The following SEMA3D variants were observed in gnomAD, a reference collection of about 807,000 sequenced individuals.
SEMA3D encodes semaphorin 3D.
SEMA3D carries 84 observed loss-of-function variants against 100.1 expected under a neutral mutation model. The ratio of observed to expected loss-of-function variants is 0.84; its 90% CI spans 0.70 to 1.01. The LOEUF (loss-of-function observed/expected upper bound fraction) is 1.01. Among genes scored for constraint, SEMA3D ranks in the 50% least tolerant of loss-of-function variants. The probability of loss-of-function intolerance (pLI) is 0.00; values close to 1 mark genes in which losing one functional copy is unlikely to be tolerated. For missense variants in SEMA3D, 875 were observed against 934.1 expected (o/e 0.94, Z 0.82); for synonymous variants, 312 against 320.7 (o/e 0.97, Z 0.29).
intron 1 of SEMA3D, among the ~76,000 whole-genome samples, chr7:85,175,100 G>A (rs375194092): frequency 3.3e-5 from 5 of 152,250 alleles, no homozygotes; most frequent in African/African-American, 1.2e-4. Context: ...TGGAGATGAT[G>A]GTTTTGTACT....
intron 1 of SEMA3D, among the ~76,000 whole-genome samples, chr7:85,171,026 G>A (rs755698813): frequency 2.0e-5 from 3 of 151,806 alleles, no homozygotes; most frequent in Non-Finnish European, 4.4e-5. Flanking sequence ...ATACTAAGGC[G>A]GATACAGTTA....
At chr7:85,209,605 C>A in the SEMA3D span, among the ~76,000 whole-genome samples, 1 of 151,992 alleles carries the variant, frequency 6.6e-6, no homozygotes, top group Non-Finnish European at 1.5e-5. Flanking sequence ...CCTTTCTTAT[C>A]CTCTGATTCC....
upstream of SEMA3D, among the ~76,000 whole-genome samples, chr7:85,187,563 G>C (rs1024715615): frequency 1.1e-4 from 16 of 152,174 alleles, no homozygotes; most frequent in African/African-American, 3.6e-4. Context: ...AAAACGAGTA[G>C]AATGTAATCC....
At position 85,166,768 on chromosome 7, in the gene SEMA3D, A is replaced by G. The variant is rs145215727; in HGVS notation, c.-172-13029T>C. 1.2e-3 allele frequency among the ~76,000 whole-genome samples: 181 copies of G among 152,082 alleles called. 2 individuals carry two copies. Among genetic ancestry groups the G allele is most frequent in the African/African-American group, 4.2e-3 (175 of 41,542 alleles). On this transcript the variant is annotated intron_variant, in intron 1 of 18. Coordinates refer to ENST00000284136, the MANE Select transcript of SEMA3D (RefSeq NM_001384900.1). ...TCAAATTACTAGCCGTATGGTGCTGATAAAAATAAAGAAAAGAGGTTCAGT... is the reference window on the plus strand; with the variant it reads ...TCAAATTACTAGCCGTATGGTGCTGGTAAAAATAAAGAAAAGAGGTTCAGT...
At chr7:85,197,809 G>A in the SEMA3D span, among the ~76,000 whole-genome samples, 1 of 152,094 alleles carries the variant, frequency 6.6e-6, no homozygotes, top group Non-Finnish European at 1.5e-5. Context: ...CAAAGAAATG[G>A]ACAATAATGT....
the SEMA3D span, among the ~76,000 whole-genome samples, chr7:85,214,847 CCAATATCAAG>C: frequency 6.6e-6 from 1 of 152,096 alleles, no homozygotes; most frequent in East Asian, 1.9e-4. Context: ...ACATATAAAC[CCAATATCAAG>C]CATTCTAAGG....
chr7:85,073,189 C>A, intron 5 of SEMA3D, 108 bp from the exon 6 acceptor site: 6 of 989,130 alleles, frequency 6.1e-6, no homozygotes, highest in Admixed American at 4.7e-5. Context: ...AATAAGAGCA[C>A]AAATGAAAAA....
chr7:85,177,593 G>C (rs1791274810), intron 1 of SEMA3D, among the ~76,000 whole-genome samples: 1 of 152,108 alleles, frequency 6.6e-6, no homozygotes, highest in South Asian at 2.1e-4. Context: ...TATTTTTTAA[G>C]TGCTTAAGAT....
intron 2 of SEMA3D, among the ~76,000 whole-genome samples, 165 bp downstream of exon 2, chr7:85,153,443 A>G (rs1790489430): frequency 6.6e-6 from 1 of 152,134 alleles, no homozygotes; most frequent in African/African-American, 2.4e-5. Context: ...GCCTTAACAA[A>G]CTGTCATGTA....
At position 84,998,194 on chromosome 7, in the gene SEMA3D, T is replaced by A. The variant is rs976477352; in HGVS notation, c.*1246A>T. 11 of 152,132 alleles carry A rather than the reference T, an allele frequency of 7.2e-5. No homozygotes were observed. Among genetic ancestry groups the A allele is most frequent in the African/African-American group, 2.7e-4 (11 of 41,456 alleles). The allele number at this position is 152,132 out of a possible 1,614,324, so 9.4% of individuals were successfully genotyped here. On this transcript the variant is annotated 3_prime_UTR_variant, in exon 19 of 19. Coordinates refer to ENST00000284136, the MANE Select transcript of SEMA3D (RefSeq NM_001384900.1). ...TATCCCCACTCCCCAGAAATGTCAT[T>A]TTCTTAATTCTCTGTGTGTTATATA...
At chr7:85,113,819 A>G (rs979541140) in intron 3 of SEMA3D, among the ~76,000 whole-genome samples, 14 of 152,012 alleles carry the variant, frequency 9.2e-5, no homozygotes, top group Non-Finnish European at 1.5e-4. Context: ...AAATCCGTTA[A>G]TATTATCTTG....
Position 85,029,066 on chromosome 7 carries a change from T to G in SEMA3D, c.1192-6453A>C, listed in dbSNP as rs1039638088. The G allele has an allele frequency of 1.9e-5, 10 of 531,668 alleles. No homozygotes were observed. The Admixed American group carries it at 2.5e-4, about 13-fold the overall frequency. The allele number at this position is 531,668 out of a possible 1,614,324, so 32.9% of individuals were successfully genotyped here. ...GCTGATGGAGTCATGGCTGTCCTCA[T>G]CAAGTGTGATGCTACCATTCCTACC... is the stretch of plus-strand genomic sequence containing the variant. On this transcript the variant is annotated intron_variant, in intron 12 of 18. Coordinates refer to ENST00000284136, the MANE Select transcript of SEMA3D (RefSeq NM_001384900.1).
chr7:85,119,932 C>T (rs905404223), intron 3 of SEMA3D, among the ~76,000 whole-genome samples: 12 of 151,830 alleles, frequency 7.9e-5, no homozygotes, highest in African/African-American at 2.9e-4. Context: ...TTGCCCCAAA[C>T]CCTTTCCGAG....
chr7:85,099,091 G>A (rs1429006566), intron 3 of SEMA3D, among the ~76,000 whole-genome samples: 1 of 151,912 alleles, frequency 6.6e-6, no homozygotes, highest in Non-Finnish European at 1.5e-5. Flanking sequence ...CATCTTCGTT[G>A]TTTCCAAGTT....
chr7:85,193,738 A>G, the SEMA3D span, among the ~76,000 whole-genome samples: 147 of 152,290 alleles, frequency 9.7e-4, no homozygotes, highest in Non-Finnish European at 1.6e-3. Context: ...GGACCTAACC[A>G]TAGCACTGAA....
chr7:85,210,327 T>C, the SEMA3D span, among the ~76,000 whole-genome samples: 1 of 152,118 alleles, frequency 6.6e-6, no homozygotes, highest in African/African-American at 2.4e-5. Context: ...TGAAAGGTTA[T>C]TGTTAAATTT....
chr7:85,089,797 G>A (rs533918149), intron 4 of SEMA3D, among the ~76,000 whole-genome samples: 6 of 152,180 alleles, frequency 3.9e-5, no homozygotes, highest in African/African-American at 1.4e-4. Context: ...AGGCTGAGGT[G>A]AGAGGATTGT....
chr7:85,017,466 T>C (rs915026485), intron 15 of SEMA3D, among the ~76,000 whole-genome samples: 10 of 151,706 alleles, frequency 6.6e-5, no homozygotes, highest in Admixed American at 6.6e-4. Context: ...GACAAAGCCC[T>C]GAAGAAGAAA....
At chr7:85,140,348 G>C (rs1790011120) in intron 2 of SEMA3D, 1 of 979,594 alleles carries the variant, frequency 1.0e-6, no homozygotes, top group Non-Finnish European at 1.2e-6. Context: ...ATAAGTTAAG[G>C]TCTGGTTTAC....
Sources: gnomAD v4.1 joint callset for allele counts (sites outside exome capture counted in the v4.1 genomes callset) on GRCh38, gnomAD v4.1.1 for gene constraint, MANE v1.5 for transcripts, NCBI Gene and HGNC (gene_info 2026-07-23, HGNC 2026-07-21) for gene names.